SMG1: variants seen among roughly 807,000 people sequenced by gnomAD.
SMG1 encodes the protein serine/threonine-protein kinase SMG1.
SMG1 carries 22 observed loss-of-function variants against 419.9 expected under a neutral mutation model. That is an observed-to-expected ratio of 0.05 (90% CI 0.04 to 0.07). SMG1 has a LOEUF of 0.07. SMG1 is among the 10% of genes least tolerant of loss of function. The pLI is 1.00. For synonymous variants in SMG1, 1,538 were observed against 1,553.5 expected, an observed-to-expected ratio of 0.99 and a Z score of 0.23; for missense variants, 3,185 against 4,342.0, an observed-to-expected ratio of 0.73 and a Z score of 7.49.
rs377359517 is a variant in SMG1, at chr16:18,919,634, ATGTG to A, written c.92+6312_92+6315del. ...GCAACACTCCGTCTCAAAAAAAAAA[ATGTG>A]TGTGTGTGTGTGTATATATACACAC... On this transcript the variant is annotated intron_variant, in intron 1 of 62. Coordinates refer to ENST00000446231, the MANE Select transcript of SMG1 (RefSeq NM_015092.5). Among the ~76,000 whole-genome samples, 148 of 124,656 alleles carry A rather than the reference ATGTG, an allele frequency of 1.2e-3. 2 individuals carry two copies. In the South Asian group the frequency reaches 0.017, roughly 14 times the overall value. 81.8% of individuals were successfully genotyped at this position (124,656 alleles called of 152,430 possible). A position where few individuals can be genotyped will look rare whatever the true frequency, so the allele number is the denominator to read the frequency against.
chr16:18,841,951 AG>A (rs1017740324), intron 40 of SMG1, among the ~76,000 whole-genome samples, 157 bp from the exon 41 acceptor site: 4 of 152,226 alleles, frequency 2.6e-5, no homozygotes, highest in Admixed American at 2.6e-4. Context: ...AGATATTGGC[AG>A]TAGATATTAG....
Position 18,815,571 on chromosome 16 carries a change from T to C in SMG1, c.10383A>G (p.Ser3461=), listed in dbSNP as rs1408702823. 6.8e-6 allele frequency: 11 copies of C among 1,613,890 alleles called. No homozygotes were observed. The highest frequency in any genetic ancestry group is 2.2e-5 in the East Asian group (1 of 44,880). The change falls in exon 59 of 63, where the codon TCA becomes TCG. Residue 3461 remains serine, a synonymous_variant. Transcript: ENST00000446231. ...GAACTGTTTGAATGTTGTCTTGCCA[T>C]GATTTATATTCACCCAAAAACTGCC... is the stretch of plus-strand genomic sequence containing the variant. The part of the protein sequence containing the change: ...SVRQFLGEYK[S]WQDNIQTVLF...
intron 22 of SMG1, among the ~76,000 whole-genome samples, chr16:18,867,322 T>G (rs2035566361): frequency 6.6e-6 from 1 of 152,012 alleles, no homozygotes; most frequent in Non-Finnish European, 1.5e-5. Flanking sequence ...TCACTTGTGG[T>G]CAGGAGTTCG....
rs1233580357 is a variant in SMG1, at chr16:18,872,756, A to G, written c.1891-132T>C. The G allele has an allele frequency of 3.8e-6, 3 of 781,466 alleles. No homozygotes were observed. In the African/African-American group the frequency reaches 5.3e-5, roughly 14 times the overall value. The allele number at this position is 781,466 out of a possible 1,614,324, so 48.4% of individuals were successfully genotyped here. A position where few individuals can be genotyped will look rare whatever the true frequency, so the allele number is the denominator to read the frequency against. On this transcript the variant is annotated intron_variant, in intron 13 of 62. Transcript: ENST00000446231. ...TTACAGACTGCAAGGGATCTAGTACACTAAACCTGGGACAAACACTTTTTT... is the reference window on the plus strand; with the variant it reads ...TTACAGACTGCAAGGGATCTAGTACGCTAAACCTGGGACAAACACTTTTTT...
At chr16:18,821,440 T>C (rs1388562352) in intron 55 of SMG1, among the ~76,000 whole-genome samples, 2 of 25,422 alleles carry the variant, frequency 7.9e-5, no homozygotes, top group African/African-American at 2.7e-4. Flanking sequence ...GAGTGTGATA[T>C]TCCCCTTCCT....
At chr16:18,881,833 G>A (rs1420563955) in intron 10 of SMG1, among the ~76,000 whole-genome samples, 1 of 152,134 alleles carries the variant, frequency 6.6e-6, no homozygotes, top group East Asian at 1.9e-4. Context: ...GCTATTCGTA[G>A]TATGCTGAAA....
intron 31 of SMG1, among the ~76,000 whole-genome samples, chr16:18,853,096 A>C (rs1450328934): frequency 2.6e-5 from 4 of 152,172 alleles, no homozygotes; most frequent in African/African-American, 9.7e-5. Context: ...CCATCTCCCA[A>C]ATTTTCTCTC....
chr16:18,817,039 T>C (rs150975329), intron 57 of SMG1, among the ~76,000 whole-genome samples: 9 of 150,816 alleles, frequency 6.0e-5, no homozygotes, highest in African/African-American at 2.2e-4. Flanking sequence ...TAAACTTTCA[T>C]AGTATTTTGG....
At chr16:18,829,810 CTTAT>C (rs2033038844) in intron 53 of SMG1, 55 bp from the exon 54 acceptor site, 1 of 1,502,078 alleles carries the variant, frequency 6.7e-7, no homozygotes, top group Non-Finnish European at 9.0e-7. Flanking sequence ...TAATATGCTG[CTTAT>C]TTATAGTATT....
chr16:18,880,627 A>C (rs2036341035), intron 10 of SMG1, among the ~76,000 whole-genome samples: 1 of 148,476 alleles, frequency 6.7e-6, no homozygotes, highest in Non-Finnish European at 1.5e-5. Flanking sequence ...AGGTGGGAGG[A>C]TCACTTAAGC....
At chr16:18,838,261 G>T (rs1168903169) in intron 44 of SMG1, 29 bp from the exon 45 acceptor site, 1 of 1,609,130 alleles carries the variant, frequency 6.2e-7, no homozygotes, top group Non-Finnish European at 8.5e-7. Context: ...TTAAAATAAG[G>T]TCTGCCACAA....
intron 25 of SMG1, among the ~76,000 whole-genome samples, chr16:18,862,562 T>C (rs2035269961): frequency 6.6e-6 from 1 of 152,234 alleles, no homozygotes; most frequent in Non-Finnish European, 1.5e-5. Flanking sequence ...GCTTGTTCTC[T>C]GTGTGCTCCT....
intron 1 of SMG1, among the ~76,000 whole-genome samples, chr16:18,907,251 C>A (rs1379936700): frequency 6.6e-6 from 1 of 151,618 alleles, no homozygotes. Context: ...CAATGCACTC[C>A]AGCCTGGGCA....
At position 18,871,443 on chromosome 16, in the gene SMG1, T is replaced by A; in HGVS notation, c.2223A>T (p.Leu741Phe). The A allele has an allele frequency of 1.2e-6, 2 of 1,602,042 alleles. No homozygotes were observed. Among genetic ancestry groups the A allele is most frequent in the Non-Finnish European group, 1.7e-6 (2 of 1,176,738 alleles). Residue 741 changes from leucine (L) to phenylalanine (F), a missense_variant, in exon 16 of 63, where the codon TTA becomes TTT. Leu to Phe is a conservative substitution (Grantham distance 22). Transcript: ENST00000446231. ...LMTWALEAAV[L>F]MKKSETYAPL... is the part of the protein sequence containing the mutation. ...GTGCGTATGTTTCAGACTTCTTCATTAAAACAGCTGCTTCCAAAGCCCAAG... is the reference window on the plus strand; with the variant it reads ...GTGCGTATGTTTCAGACTTCTTCATAAAAACAGCTGCTTCCAAAGCCCAAG...
At chr16:18,873,893 T>C (rs551657006) in intron 13 of SMG1, among the ~76,000 whole-genome samples, 22 of 152,272 alleles carry the variant, frequency 1.4e-4, no homozygotes, top group African/African-American at 5.3e-4. Context: ...ATTTCTAGAG[T>C]ACAGGACATA....
In SMG1 at chr16:18,872,997, T is replaced by C. The variant is rs568671479; in HGVS notation, c.1891-373A>G. Among the ~76,000 whole-genome samples, 125 of 151,800 alleles carry C rather than the reference T, an allele frequency of 8.2e-4. 1 individual carries two copies. The highest frequency in any genetic ancestry group is 2.5e-3 in the East Asian group (13 of 5,124). ...AGCGGGACCCCATCTCTACTAAAAT[T>C]ACAAAAATTAGCTGGGCATGGTGGC... is the stretch of plus-strand genomic sequence containing the variant. On this transcript the variant is annotated intron_variant, in intron 13 of 62. Coordinates refer to ENST00000446231, the MANE Select transcript of SMG1 (RefSeq NM_015092.5).
intron 25 of SMG1, among the ~76,000 whole-genome samples, chr16:18,861,757 T>C (rs1170176314): frequency 6.6e-6 from 1 of 152,172 alleles, no homozygotes; most frequent in African/African-American, 2.4e-5. Flanking sequence ...TAATGCCCTA[T>C]GCTTTCAGCT....
In SMG1 at chr16:18,818,046, T is replaced by A. The variant is rs1216654642; in HGVS notation, c.9895-576A>T. 2.0e-5 allele frequency among the ~76,000 whole-genome samples: 3 copies of A among 150,034 alleles called. No individual in the cohort carries two copies. In the East Asian group the frequency reaches 5.9e-4, roughly 29 times the overall value. ...TCTCCCAGGTAGCTAGTCTCCCAGC[T>A]GGGACCAGAGGTGCGTGCCACCATG... On this transcript the variant is annotated intron_variant, in intron 56 of 62. Transcript: ENST00000446231.
intron 23 of SMG1, among the ~76,000 whole-genome samples, chr16:18,865,559 C>A (rs567878127): frequency 3.2e-4 from 48 of 151,732 alleles, no homozygotes; most frequent in Non-Finnish European, 6.0e-4. Flanking sequence ...AAAAAAATAT[C>A]AGAAACAACC....
Sources: allele counts gnomAD v4.1 joint callset (sites outside exome capture counted in the v4.1 genomes callset), GRCh38; gene constraint gnomAD v4.1.1; transcripts MANE v1.5; gene names NCBI Gene and HGNC (gene_info 2026-07-23, HGNC 2026-07-21).